NRXN1: variants seen among roughly 807,000 people sequenced by gnomAD.
The protein encoded by NRXN1 is neurexin-1.
In NRXN1, 39 loss-of-function variants were observed where a neutral mutation model predicts 150.9. That is an observed-to-expected ratio of 0.26 (90% CI 0.20 to 0.34). NRXN1 has a LOEUF of 0.34. NRXN1 is among the 10% of genes least tolerant of loss of function. The pLI, the probability that NRXN1 is intolerant of heterozygous loss-of-function variation, is 1.00. For synonymous variants in NRXN1, 924 were observed against 757.0 expected (o/e 1.22, Z -3.62); for missense variants, 1,815 against 1,949.9 (o/e 0.93, Z 1.30).
At chr2:50,953,727 A>G (rs1428807272) in intron 2 of NRXN1, among the ~76,000 whole-genome samples, 1 of 151,872 alleles carries the variant, frequency 6.6e-6, no homozygotes, top group African/African-American at 2.4e-5. Context: ...ATGCCTGGCT[A>G]ATTTTTGTAT....
chr2:50,884,951 T>C (rs1457567820), intron 5 of NRXN1, among the ~76,000 whole-genome samples: 1 of 151,686 alleles, frequency 6.6e-6, no homozygotes, highest in Non-Finnish European at 1.5e-5. Context: ...TTTTTGTTCT[T>C]TGCAAATAAC....
chr2:50,038,793 A>ACCCT (rs1412132359), intron 21 of NRXN1, among the ~76,000 whole-genome samples: 10 of 17,814 alleles, frequency 5.6e-4, no homozygotes, highest in Non-Finnish European at 1.1e-3. Context: ...CTTCCTTCCC[A>ACCCT]CCCTCCCTCC....
At chr2:50,075,997 A>G (rs1388869145) in intron 19 of NRXN1, among the ~76,000 whole-genome samples, 2 of 152,220 alleles carry the variant, frequency 1.3e-5, no homozygotes, top group African/African-American at 4.8e-5. Context: ...CAAATTTCAA[A>G]TGAATTCCTT....
chr2:50,866,656 G>A (rs968859738), intron 5 of NRXN1, among the ~76,000 whole-genome samples: 14 of 151,858 alleles, frequency 9.2e-5, no homozygotes, highest in Non-Finnish European at 1.5e-4. Flanking sequence ...GCCAGTGCTG[G>A]TCTGTACTGA....
chr2:50,127,894 T>C (rs1216591095), intron 18 of NRXN1, among the ~76,000 whole-genome samples: 2 of 152,190 alleles, frequency 1.3e-5, no homozygotes, highest in Non-Finnish European at 2.9e-5. Flanking sequence ...CTTAGCCTGA[T>C]GGCAAAGGGC....
intron 8 of NRXN1, among the ~76,000 whole-genome samples, chr2:50,591,775 C>T (rs755377610): frequency 4.6e-5 from 7 of 152,296 alleles, no homozygotes; most frequent in Non-Finnish European, 8.8e-5. Flanking sequence ...CTGCCAAAGC[C>T]GAGCAGGGAA....
chr2:50,884,153 T>C (rs780926820), intron 5 of NRXN1, among the ~76,000 whole-genome samples: 1 of 151,772 alleles, frequency 6.6e-6, no homozygotes, highest in Non-Finnish European at 1.5e-5. Flanking sequence ...AGACAAGAAA[T>C]TAGAAGTCAA....
intron 18 of NRXN1, among the ~76,000 whole-genome samples, chr2:50,163,278 G>A (rs189712726): frequency 6.6e-6 from 1 of 151,490 alleles, no homozygotes; most frequent in East Asian, 1.9e-4. Flanking sequence ...AATGATACAC[G>A]GTTGAAGGTA....
At chr2:50,512,625 T>C (rs2092491921) in intron 12 of NRXN1, among the ~76,000 whole-genome samples, 1 of 152,202 alleles carries the variant, frequency 6.6e-6, no homozygotes, top group Non-Finnish European at 1.5e-5. Flanking sequence ...TCTTCCTTGT[T>C]ATTGGCAGGA....
At chr2:50,607,124 A>C (rs1005941786) in intron 8 of NRXN1, among the ~76,000 whole-genome samples, 3 of 152,180 alleles carry the variant, frequency 2.0e-5, no homozygotes, top group African/African-American at 7.2e-5. Context: ...AAGGGATAAA[A>C]TGCCATAAAA....
intron 5 of NRXN1, among the ~76,000 whole-genome samples, chr2:50,758,739 G>T (rs988141506): frequency 2.0e-5 from 3 of 151,840 alleles, no homozygotes; most frequent in Non-Finnish European, 4.4e-5. Flanking sequence ...CAGATCCTGT[G>T]GATCAACTTC....
At chr2:50,666,162 CT>C (rs1687990654) in intron 5 of NRXN1, among the ~76,000 whole-genome samples, 2 of 151,886 alleles carry the variant, frequency 1.3e-5, no homozygotes, top group Non-Finnish European at 2.9e-5. Flanking sequence ...AGTAAGTAGA[CT>C]TTTTTGCCTG....
At chr2:50,908,521 G>A (rs1041924743) in intron 5 of NRXN1, among the ~76,000 whole-genome samples, 2 of 151,946 alleles carry the variant, frequency 1.3e-5, no homozygotes, top group South Asian at 4.1e-4. Context: ...GCTTTAAGAG[G>A]TATCCTGACA....
intron 13 of NRXN1, among the ~76,000 whole-genome samples, chr2:50,502,525 C>T (rs144529152): frequency 1.1e-3 from 164 of 152,136 alleles, no homozygotes; most frequent in African/African-American, 3.9e-3. Flanking sequence ...TGCTTCAAAT[C>T]CTCCTTAGCT....
chr2:50,463,320 A>C (rs575560616), intron 17 of NRXN1, among the ~76,000 whole-genome samples: 1 of 151,878 alleles, frequency 6.6e-6, no homozygotes, highest in Non-Finnish European at 1.5e-5. Flanking sequence ...AATTGATACA[A>C]AATAAGATTT....
intron 19 of NRXN1, among the ~76,000 whole-genome samples, chr2:50,064,666 T>C (rs1333546562): frequency 2.8e-4 from 42 of 152,168 alleles, no homozygotes. Flanking sequence ...CTTCACATCG[T>C]ATTAATCTTT....
intron 8 of NRXN1, among the ~76,000 whole-genome samples, chr2:50,585,535 A>T (rs1490170865): frequency 2.0e-5 from 3 of 152,216 alleles, no homozygotes; most frequent in African/African-American, 7.2e-5. Context: ...GTTTTTTATG[A>T]TTAAAAATAA....
intron 17 of NRXN1, among the ~76,000 whole-genome samples, chr2:50,359,416 G>A (rs573642528): frequency 6.6e-6 from 1 of 151,408 alleles, no homozygotes; most frequent in Non-Finnish European, 1.5e-5. Flanking sequence ...GAACATAAAT[G>A]ACCTGATGGA....
intron 8 of NRXN1, among the ~76,000 whole-genome samples, chr2:50,605,773 C>T (rs1173217428): frequency 6.6e-6 from 1 of 151,062 alleles, no homozygotes; most frequent in East Asian, 2.0e-4. Context: ...TTATATCATG[C>T]AGCAATCCCA....
Sources: gnomAD v4.1 joint callset for allele counts (sites outside exome capture counted in the v4.1 genomes callset) on GRCh38, gnomAD v4.1.1 for gene constraint, MANE v1.5 for transcripts, NCBI Gene and HGNC (gene_info 2026-07-23, HGNC 2026-07-21) for gene names.